MPHOSPH8: variants seen among roughly 807,000 people sequenced by gnomAD.
MPHOSPH8 encodes M-phase phosphoprotein, mpp.
In MPHOSPH8, 45 loss-of-function variants were observed where a neutral mutation model predicts 87.3. That is an observed-to-expected ratio of 0.52 (90% CI 0.41 to 0.66). The LOEUF (loss-of-function observed/expected upper bound fraction) is 0.66. MPHOSPH8 is among the 30% of genes least tolerant of loss of function. The probability of loss-of-function intolerance (pLI) is 0.00; values close to 1 mark genes in which losing one functional copy is unlikely to be tolerated. For synonymous variants in MPHOSPH8, 366 were observed against 376.9 expected, an observed-to-expected ratio of 0.97 and a Z score of 0.33; for missense variants, 883 against 1,020.2, an observed-to-expected ratio of 0.87 and a Z score of 1.83.
chr13:19,665,498 AGCCTGTCCTGG>A (rs66745164), intron 9 of MPHOSPH8, among the ~76,000 whole-genome samples: 17,491 of 152,132 alleles, frequency 0.11, 1,115 homozygotes, highest in Middle Eastern at 0.14. Context: ...CTCTGTCCCG[AGCCTGTCCTGG>A]ACGGCGTCCC....
At position 19,643,297 on chromosome 13, in the gene MPHOSPH8, G is replaced by A. The variant is rs189879172; in HGVS notation, c.369+1027G>A. Among the ~76,000 whole-genome samples the A allele has an allele frequency of 2.8e-3, 422 of 152,216 alleles. 14 individuals are homozygous for A. Among genetic ancestry groups the A allele is most frequent in the Admixed American group, 0.024 (372 of 15,294 alleles). On this transcript the variant is annotated intron_variant, in intron 2 of 13. Coordinates refer to ENST00000361479, the MANE Select transcript of MPHOSPH8 (RefSeq NM_017520.4). ...TTGCTTCTGTCACCCAGGCTGGAGTGCAGTGGCACAGTCATGGTCCACTGC... is the reference window on the plus strand; with the variant it reads ...TTGCTTCTGTCACCCAGGCTGGAGTACAGTGGCACAGTCATGGTCCACTGC...
intron 9 of MPHOSPH8, among the ~76,000 whole-genome samples, chr13:19,665,774 C>T (rs556868626): frequency 3.1e-4 from 47 of 152,302 alleles, no homozygotes; most frequent in African/African-American, 1.1e-3. Context: ...CAAATGGAAA[C>T]GTGCCACTCA....
At chr13:19,639,134 G>A (rs1275734610) in intron 1 of MPHOSPH8, among the ~76,000 whole-genome samples, 1 of 151,822 alleles carries the variant, frequency 6.6e-6, no homozygotes, top group Non-Finnish European at 1.5e-5. Context: ...AGCTTGGTAT[G>A]GGAGACATGT....
chr13:19,656,631 A>G (rs1172463956), intron 5 of MPHOSPH8, among the ~76,000 whole-genome samples: 1 of 151,384 alleles, frequency 6.6e-6, no homozygotes, highest in African/African-American at 2.4e-5. Flanking sequence ...GTGGTGGCAC[A>G]TGTCTGTAAT....
intron 2 of MPHOSPH8, among the ~76,000 whole-genome samples, chr13:19,645,375 G>A (rs1874513016): frequency 6.6e-6 from 1 of 152,146 alleles, no homozygotes; most frequent in Admixed American, 6.5e-5. Flanking sequence ...TGTTTTTTAT[G>A]AGGTGATTCA....
intron 7 of MPHOSPH8, among the ~76,000 whole-genome samples, chr13:19,660,487 G>C (rs1346801316): frequency 6.6e-6 from 1 of 151,954 alleles, no homozygotes; most frequent in Non-Finnish European, 1.5e-5. Flanking sequence ...AATCCTTTGG[G>C]ATTACAATTC....
intron 3 of MPHOSPH8, among the ~76,000 whole-genome samples, chr13:19,647,678 C>T (rs1874638305): frequency 6.6e-6 from 1 of 152,066 alleles, no homozygotes; most frequent in Admixed American, 6.6e-5. Context: ...ACTACATTAA[C>T]CAGTATTTTA....
rs79439496 is a variant in MPHOSPH8, at chr13:19,668,896, C to G, written c.2329+365C>G. Among the ~76,000 whole-genome samples the G allele has an allele frequency of 2.6e-3, 397 of 152,308 alleles. 4 individuals carry two copies. Among genetic ancestry groups the G allele is most frequent in the African/African-American group, 9.1e-3 (380 of 41,578 alleles). ...AAAATAGTCTTGCTCCATAGTAAAG[C>G]TGAGTGGAAAGAGATGGAGAAGCCA... On this transcript the variant is annotated intron_variant, in intron 11 of 13. Transcript: ENST00000361479.
At chr13:19,645,735 ACT>A (rs1392007235) in intron 2 of MPHOSPH8, among the ~76,000 whole-genome samples, 3 of 134,098 alleles carry the variant, frequency 2.2e-5, no homozygotes, top group African/African-American at 8.8e-5. Context: ...ACAGAATGAG[ACT>A]CTGTCTCAAA....
At chr13:19,671,099 GAAATAAA>G (rs1392666312) in intron 12 of MPHOSPH8, 100 bp from the exon 13 acceptor site, 43 of 1,486,564 alleles carry the variant, frequency 2.9e-5, no homozygotes, top group Non-Finnish European at 3.2e-5. Flanking sequence ...CTTGACTTAT[GAAATAAA>G]AAATAAAACT....
In MPHOSPH8 at chr13:19,659,023, C is replaced by T; in HGVS notation, c.1605C>T (p.Gly535=). 2 of 1,614,008 alleles carry T rather than the reference C, an allele frequency of 1.2e-6. No individual in the cohort carries two copies. The highest frequency in any genetic ancestry group is 2.7e-5 in the African/African-American group (2 of 75,032). The change falls in exon 6 of 14, where the codon GGC becomes GGT. Residue 535 remains glycine, a synonymous_variant. Transcript: ENST00000361479. ...GCAGGCAGCAGATTCTGAGTTTGGG[C>T]ATGGACCTGCAGTTGGAATGGATGA... ...SDGRQQILSL[G]MDLQLEWMKL...
Position 19,661,760 on chromosome 13 carries a change from A to G in MPHOSPH8, c.1854A>G (p.Arg618=). The part of the protein sequence containing the change: ...AAAGGQDDLL[R]LLITKGAKVN... ...CCGGAGGGCAGGACGACCTCCTGCG[A>G]CTCCTCATCACAAAAGGCGCGAAAG... Residue 618 remains arginine (R), a synonymous_variant, in exon 8 of 14, where the codon CGA becomes CGG. Coordinates refer to ENST00000361479, the MANE Select transcript of MPHOSPH8 (RefSeq NM_017520.4). 1 of 1,612,648 alleles carries G rather than the reference A, an allele frequency of 6.2e-7. No individual in the cohort carries two copies. Among genetic ancestry groups the G allele is most frequent in the Non-Finnish European group, 8.5e-7 (1 of 1,179,286 alleles).
At chr13:19,655,857 C>T (rs1020605200) in intron 5 of MPHOSPH8, among the ~76,000 whole-genome samples, 36 of 152,162 alleles carry the variant, frequency 2.4e-4, no homozygotes, top group African/African-American at 7.2e-4. Flanking sequence ...TGCCTCCCAC[C>T]TATAATCCCA....
chr13:19,658,066 T>C (rs557845560), intron 5 of MPHOSPH8, among the ~76,000 whole-genome samples: 9 of 152,366 alleles, frequency 5.9e-5, no homozygotes, highest in African/African-American at 9.6e-5. Context: ...TTACCATTGC[T>C]GATAGACCTG....
intron 9 of MPHOSPH8, among the ~76,000 whole-genome samples, chr13:19,664,046 C>T (rs548329865): frequency 3.3e-5 from 5 of 152,248 alleles, no homozygotes; most frequent in Admixed American, 2.0e-4. Flanking sequence ...TGCAGTGGCA[C>T]CATCATGACT....
chr13:19,650,095 A>G lies in MPHOSPH8; in HGVS notation c.1411A>G (p.Ile471Val). The G allele has an allele frequency of 6.2e-7, 1 of 1,613,928 alleles. No individual in the cohort carries two copies. The highest frequency in any genetic ancestry group is 8.5e-7 in the Non-Finnish European group (1 of 1,179,894). ...TGAGAATAATCGGAAAAGGGAAGAA[A>G]TACCACTGGATTTTAAAACCATAGA... ...VSENNRKREEIPLDFKTIDDH... is the reference protein window; with the variant it reads ...VSENNRKREEVPLDFKTIDDH... The change falls in exon 5 of 14, where the codon ATA (isoleucine) becomes GTA (valine). Residue 471 changes from isoleucine to valine, a missense_variant. This residue lies in a region of MPHOSPH8 where 741 missense variants were observed against 841.5 expected (regional missense o/e 0.88). Coordinates refer to ENST00000361479, the MANE Select transcript of MPHOSPH8 (RefSeq NM_017520.4).
intron 1 of MPHOSPH8, among the ~76,000 whole-genome samples, chr13:19,635,100 A>C (rs1873923466): frequency 6.6e-6 from 1 of 152,166 alleles, no homozygotes; most frequent in Non-Finnish European, 1.5e-5. Flanking sequence ...TAAAGATGGA[A>C]ATGTTTTTAT....
chr13:19,660,932 C>A, intron 7 of MPHOSPH8: 1 of 985,114 alleles, frequency 1.0e-6, no homozygotes, highest in East Asian at 1.1e-4. Flanking sequence ...TTTTCATGTG[C>A]CTTTAGGATT....
At chr13:19,661,945 C>CTT (rs397761364) in intron 8 of MPHOSPH8, 107 bp downstream of exon 8, 2,788 of 1,033,004 alleles carry the variant, frequency 2.7e-3, no homozygotes, top group Middle Eastern at 7.7e-3. Flanking sequence ...GGTCACATCG[C>CTT]TTTTTTTTTT....
Sources: allele counts gnomAD v4.1 joint callset (sites outside exome capture counted in the v4.1 genomes callset), GRCh38; gene constraint gnomAD v4.1.1; regional missense constraint gnomAD v4.1.1; transcripts MANE v1.5; gene names NCBI Gene and HGNC (gene_info 2026-07-23, HGNC 2026-07-21).